The following ZNF444 variants were observed in gnomAD, a reference collection of about 807,000 sequenced individuals.
ZNF444 encodes the protein zinc finger protein 444, also known as endothelial zinc finger protein 2.
A neutral mutation model predicts 14.4 loss-of-function variants in ZNF444; 8 were observed. That is an observed-to-expected ratio of 0.56 (90% CI 0.33 to 1.00). ZNF444 has a LOEUF of 1.00. Among genes scored for constraint, ZNF444 ranks in the 50% least tolerant of loss-of-function variants. The probability of loss-of-function intolerance (pLI) is 0.03; values close to 1 mark genes in which losing one functional copy is unlikely to be tolerated. For missense variants in ZNF444, 510 were observed against 504.8 expected (o/e 1.01, Z -0.10); for synonymous variants, 258 against 235.9 (o/e 1.09, Z -0.86).
At chr19:56,158,939 A>G (rs982784618) in intron 4 of ZNF444, among the ~76,000 whole-genome samples, 3 of 150,834 alleles carry the variant, frequency 2.0e-5, no homozygotes, top group African/African-American at 7.3e-5. Flanking sequence ...CCTCACACCA[A>G]TCCCACCATC....
At position 56,147,338 on chromosome 19, in the gene ZNF444, C is replaced by A; in HGVS notation, c.297+130C>A. 3 of 1,101,258 alleles carry A rather than the reference C, an allele frequency of 2.7e-6. No homozygotes were observed. The highest frequency in any genetic ancestry group is 3.6e-6 in the Non-Finnish European group (3 of 823,636). The allele number at this position is 1,101,258 out of a possible 1,614,324, so 68.2% of individuals were successfully genotyped here. On this transcript the variant is annotated intron_variant, in intron 3 of 4. Coordinates refer to ENST00000337080, the MANE Select transcript of ZNF444 (RefSeq NM_018337.4). The surrounding 1 kb of genome is among the most constrained non-coding windows in gnomAD (Gnocchi z 5.9). ...GACTCGCGGTGGGGAGGCTGCGGTACAGGCTGCGGTACAGCGTGGAGGGAC... is the reference window on the plus strand; with the variant it reads ...GACTCGCGGTGGGGAGGCTGCGGTAAAGGCTGCGGTACAGCGTGGAGGGAC...
intron 3 of ZNF444, chr19:56,155,370 A>G (rs45575138): frequency 0.02 from 3,110 of 152,460 alleles, 55 homozygotes; most frequent in Non-Finnish European, 0.031. Flanking sequence ...GGTTGTGTGT[A>G]GATATGCTGA....
At position 56,145,040 on chromosome 19, in the gene ZNF444, C is replaced by T. The variant is rs891489010; in HGVS notation, c.-196-1207C>T. Among the ~76,000 whole-genome samples the T allele has an allele frequency of 3.3e-5, 5 of 152,216 alleles. No individual in the cohort carries two copies. Among genetic ancestry groups the T allele is most frequent in the Admixed American group, 2.0e-4 (3 of 15,282 alleles). On this transcript the variant is annotated intron_variant, in intron 1 of 4. Transcript: ENST00000337080. The surrounding 1 kb of genome is among the most constrained non-coding windows in gnomAD (Gnocchi z 4.3). ...AGCCACTCGGTAGCTCCAAGGCGGC[C>T]GTGGACAGCGCGTGAGCAAGTGGGC...
Position 56,147,079 on chromosome 19 carries a change from G to T in ZNF444, c.168G>T (p.Lys56Asn). The change falls in exon 3 of 5, where the codon AAG (lysine) becomes AAT (asparagine). Residue 56 changes from lysine to asparagine, a missense_variant. By Grantham distance (94) the Lys-to-Asn change is moderately conservative (BLOSUM62 0). Coordinates refer to ENST00000337080, the MANE Select transcript of ZNF444 (RefSeq NM_018337.4). The surrounding 1 kb of genome is among the most constrained non-coding windows in gnomAD (Gnocchi z 5.9). Reference sequence around the variant, plus strand: ...GGCTGCGGCCCGAGGTGCACACCAAGGAGCAGATGTTGGAGCTGCTGGTGC... The same window carrying T: ...GGCTGCGGCCCGAGGTGCACACCAATGAGCAGATGTTGGAGCTGCTGGTGC... ...RDWLRPEVHT[K>N]EQMLELLVLE... The T allele has an allele frequency of 6.3e-7, 1 of 1,588,370 alleles. No homozygotes were observed. The highest frequency in any genetic ancestry group is 2.3e-5 in the East Asian group (1 of 42,632).
upstream of ZNF444, chr19:56,140,852 C>T (rs1450656701): frequency 6.6e-6 from 1 of 152,402 alleles, no homozygotes; most frequent in African/African-American, 2.4e-5. Flanking sequence ...CTGATCTCCA[C>T]AACAACGCCG....
chr19:56,137,380 G>T (rs1041772247), upstream of ZNF444, among the ~76,000 whole-genome samples: 2 of 152,028 alleles, frequency 1.3e-5, no homozygotes, highest in African/African-American at 4.8e-5. Flanking sequence ...TGAGGTGGAA[G>T]AATCGCTTAA....
rs1194156299 is a variant in ZNF444, at chr19:56,159,632, G to A, written c.415G>A (p.Ala139Thr). The A allele has an allele frequency of 3.5e-6, 5 of 1,436,456 alleles. No homozygotes were observed. Among genetic ancestry groups the A allele is most frequent in the South Asian group, 1.4e-5 (1 of 69,776 alleles). 89.0% of individuals were successfully genotyped at this position (1,436,456 alleles called of 1,614,324 possible). The change falls in exon 5 of 5, where the codon GCC becomes ACC. Residue 139 changes from alanine to threonine, a missense_variant. Transcript: ENST00000337080. ...TCTCTTTCTTTTCCCAGCAGGCACC[G>A]CCCCTGGGGCTGAGGGGCCGGCGCC... Reference protein sequence around the residue: ...DSGMIPLAGTAPGAEGPAPGD... With the variant: ...DSGMIPLAGTTPGAEGPAPGD...
Position 56,145,326 on chromosome 19 carries a change from C to T in ZNF444, c.-196-921C>T, listed in dbSNP as rs1412599788. Among the ~76,000 whole-genome samples the T allele has an allele frequency of 2.0e-5, 3 of 152,336 alleles. No homozygotes were observed. The highest frequency in any genetic ancestry group is 4.8e-5 in the African/African-American group (2 of 41,578). ...CACGGCTGGGCGTGGTGGCTCATGC[C>T]GGTAATCCCAGCACTTTCGGAGGCC... On this transcript the variant is annotated intron_variant, in intron 1 of 4. Transcript: ENST00000337080. The surrounding 1 kb of genome is among the most constrained non-coding windows in gnomAD (Gnocchi z 4.3).
chr19:56,158,636 G>A, intron 4 of ZNF444, 34 bp downstream of exon 4: 1 of 1,551,568 alleles, frequency 6.4e-7, no homozygotes, highest in Non-Finnish European at 8.8e-7. Context: ...CTCCCCGCCA[G>A]CCCCCAGCAC....
rs2031208387 is a variant in ZNF444 at position 56,146,746 on chromosome 19, C to T, written c.-22-144C>T. On this transcript the variant is annotated intron_variant, in intron 2 of 4. Transcript: ENST00000337080. ...GAGGTTGCAGTAAGCTGAGATCCGC[C>T]ACTGCACTCCAACCTGGGGGAAAGA... 12 of 616,568 alleles carry T rather than the reference C, an allele frequency of 1.9e-5. No individual in the cohort carries two copies. The South Asian group carries it at 5.8e-4, about 30-fold the overall frequency. The allele number at this position is 616,568 out of a possible 1,614,324, so 38.2% of individuals were successfully genotyped here.
rs376596929 is a variant in ZNF444 at position 56,146,965 on chromosome 19, C to T, written c.54C>T (p.Ser18=). The T allele has an allele frequency of 1.0e-5, 15 of 1,442,788 alleles. No homozygotes were observed. The highest frequency in any genetic ancestry group is 4.5e-5 in the African/African-American group (3 of 66,862). 89.4% of individuals were successfully genotyped at this position (1,442,788 alleles called of 1,614,324 possible). The change falls in exon 3 of 5, where the codon TCC becomes TCT. Residue 18 remains serine, a synonymous_variant. Coordinates refer to ENST00000337080, the MANE Select transcript of ZNF444 (RefSeq NM_018337.4). ...AGGCCGAGGGCCTGGCGCTGGACTCCCCGTGGCACCGCTTCCGCCGCTTCC... is the reference window on the plus strand; with the variant it reads ...AGGCCGAGGGCCTGGCGCTGGACTCTCCGTGGCACCGCTTCCGCCGCTTCC... The part of the protein sequence containing the change: ...KQEAEGLALD[S]PWHRFRRFHL...
At position 56,160,284 on chromosome 19, in the gene ZNF444, TCCTC is replaced by T. The variant is rs2032213101; in HGVS notation, c.*84_*87del. 1 of 1,131,476 alleles carries T rather than the reference TCCTC, an allele frequency of 8.8e-7. No individual in the cohort carries two copies. Among genetic ancestry groups the T allele is most frequent in the East Asian group, 3.3e-5 (1 of 30,654 alleles). 70.1% of individuals were successfully genotyped at this position (1,131,476 alleles called of 1,614,324 possible). A position where few individuals can be genotyped will look rare whatever the true frequency, so the allele number is the denominator to read the frequency against. On this transcript the variant is annotated 3_prime_UTR_variant, in exon 5 of 5. Coordinates refer to ENST00000337080, the MANE Select transcript of ZNF444 (RefSeq NM_018337.4). ...TCTCTCCCAGCGCCACTTGGCCTCT[TCCTC>T]TCCTCCTTCCCTCCCATCGTCCTCC...
rs761463203 is a variant in ZNF444, at chr19:56,158,612, T to A, written c.406+10T>A. On this transcript the variant is annotated intron_variant, in intron 4 of 4. Coordinates refer to ENST00000337080, the MANE Select transcript of ZNF444 (RefSeq NM_018337.4). ...GGGATGATTCCCTTAGGTGAGCTGC[T>A]GGCCTCTCTGGTTCTCCCCGCCAGC... 3.1e-6 allele frequency: 5 copies of A among 1,597,072 alleles called. No individual in the cohort carries two copies. Among genetic ancestry groups the A allele is most frequent in the Non-Finnish European group, 4.3e-6 (5 of 1,171,426 alleles).
At chr19:56,140,409 CTG>C (rs2030728986), upstream of ZNF444, among the ~76,000 whole-genome samples, 1 of 152,140 alleles carries the variant, frequency 6.6e-6, no homozygotes, top group Admixed American at 6.5e-5. Flanking sequence ...GATGCAGAAA[CTG>C]AGGCCTCAGG....
At position 56,159,765 on chromosome 19, in the gene ZNF444, A is replaced by G. The variant is rs1414781019; in HGVS notation, c.548A>G (p.Glu183Gly). ...LAAPGTTSCP[E>G]CGKTSLKPAH... ...GCCCCGGGCACCACGTCCTGCCCCG[A>G]GTGCGGCAAAACGTCCCTGAAACCA... Residue 183 changes from glutamate (E) to glycine (G), a missense_variant, in exon 5 of 5, where the codon GAG (glutamate) becomes GGG (glycine). By Grantham distance (98) the Glu-to-Gly change is moderately conservative. Transcript: ENST00000337080. 11 of 1,593,538 alleles carry G rather than the reference A, an allele frequency of 6.9e-6. No individual in the cohort carries two copies. The highest frequency in any genetic ancestry group is 9.4e-6 in the Non-Finnish European group (11 of 1,173,846).
upstream of ZNF444, among the ~76,000 whole-genome samples, chr19:56,136,836 C>A (rs535879272): frequency 6.6e-6 from 1 of 152,136 alleles, no homozygotes; most frequent in Non-Finnish European, 1.5e-5. Context: ...GGCTGGAGTG[C>A]AATGGCACGA....
At chr19:56,146,786 CAAAAAAT>C (rs1417720352) in intron 2 of ZNF444, 97 bp from the exon 3 acceptor site, 1 of 979,434 alleles carries the variant, frequency 1.0e-6, no homozygotes. Context: ...AACTCCGTCT[CAAAAAAT>C]AAAAAGTAAA....
intron 1 of ZNF444, among the ~76,000 whole-genome samples, chr19:56,143,832 C>T (rs1051002226): frequency 6.6e-6 from 1 of 151,344 alleles, no homozygotes; most frequent in Non-Finnish European, 1.5e-5. Flanking sequence ...GGGAAGGGCA[C>T]GTGGGTGCAG....
intron 1 of ZNF444, among the ~76,000 whole-genome samples, chr19:56,142,737 G>C (rs1042358310): frequency 2.0e-5 from 3 of 152,146 alleles, no homozygotes; most frequent in Admixed American, 6.5e-5. Flanking sequence ...AAGCACAGAG[G>C]GGGTAAGTCA....
Sources: gnomAD v4.1 joint callset for allele counts (sites outside exome capture counted in the v4.1 genomes callset) on GRCh38, gnomAD v4.1.1 for gene constraint, Gnocchi (gnomAD v3.1) non-coding constraint, MANE v1.5 for transcripts, NCBI Gene and HGNC (gene_info 2026-07-23, HGNC 2026-07-21) for gene names.